Variants in METTL24 observed in about 807,000 individuals in gnomAD.
The protein encoded by METTL24 is methyltransferase like 24, also known as probable methyltransferase-like protein 24.
METTL24 carries 29 observed loss-of-function variants against 32.7 expected under a neutral mutation model. The ratio of observed to expected loss-of-function variants is 0.89; its 90% CI spans 0.66 to 1.21. The LOEUF (loss-of-function observed/expected upper bound fraction) is 1.21, where lower values mean the gene tolerates loss of function less well. Ranked by LOEUF, METTL24 falls within the 50% of genes most tolerant of loss-of-function variation. METTL24 has a pLI of 0.00. For missense variants in METTL24, 439 were observed against 468.1 expected, an observed-to-expected ratio of 0.94 and a Z score of 0.57; for synonymous variants, 163 against 179.5, an observed-to-expected ratio of 0.91 and a Z score of 0.73.
chr6:110,321,147 G>A (rs1277209799), intron 2 of METTL24, among the ~76,000 whole-genome samples: 1 of 152,182 alleles, frequency 6.6e-6, no homozygotes, highest in Admixed American at 6.5e-5. Context: ...TGAGGCAGGA[G>A]AACCACTTGA....
At chr6:110,313,529 T>A (rs987707683) in intron 3 of METTL24, among the ~76,000 whole-genome samples, 1 of 152,218 alleles carries the variant, frequency 6.6e-6, no homozygotes, top group Admixed American at 6.5e-5. Flanking sequence ...TTTACTCAGT[T>A]ATATCCTTTA....
At chr6:110,263,942 C>T (rs1171743487) in intron 4 of METTL24, among the ~76,000 whole-genome samples, 1 of 152,174 alleles carries the variant, frequency 6.6e-6, no homozygotes, top group East Asian at 1.9e-4. Context: ...AACTGGATCC[C>T]TTCCTTAGAC....
At chr6:110,261,589 T>G (rs888283038) in intron 4 of METTL24, among the ~76,000 whole-genome samples, 1 of 152,148 alleles carries the variant, frequency 6.6e-6, no homozygotes, top group African/African-American at 2.4e-5. Context: ...TATCCAGGAA[T>G]TGAACTCAGC....
chr6:110,288,580 G>C (rs549787543), intron 4 of METTL24, among the ~76,000 whole-genome samples: 20 of 152,230 alleles, frequency 1.3e-4, no homozygotes, highest in African/African-American at 4.8e-4. Flanking sequence ...TAAAGAAAAA[G>C]ATGAAGGTGA....
At chr6:110,248,303 T>C (rs73765687) in intron 4 of METTL24, among the ~76,000 whole-genome samples, 10,938 of 152,220 alleles carry the variant, frequency 0.072, 578 homozygotes, top group African/African-American at 0.16. Context: ...CTTGGGTGAT[T>C]TCAGAGTTGA....
chr6:110,259,658 A>G (rs916620293), intron 4 of METTL24, among the ~76,000 whole-genome samples: 1 of 152,364 alleles, frequency 6.6e-6, no homozygotes, highest in East Asian at 1.9e-4. Context: ...GAGAACGGAC[A>G]GACTGCCTCC....
At chr6:110,348,665 G>T (rs1016285740) in intron 1 of METTL24, among the ~76,000 whole-genome samples, 3 of 152,264 alleles carry the variant, frequency 2.0e-5, no homozygotes, top group Non-Finnish European at 4.4e-5. Context: ...CTGAAAACAT[G>T]TTTGGAGGTC....
intron 1 of METTL24, among the ~76,000 whole-genome samples, chr6:110,336,926 T>C (rs1186268868): frequency 6.6e-6 from 1 of 152,118 alleles, no homozygotes; most frequent in Non-Finnish European, 1.5e-5. Flanking sequence ...ATTGGGTATG[T>C]ACCCAGAGGA....
intron 3 of METTL24, among the ~76,000 whole-genome samples, chr6:110,308,853 G>A (rs567862277): frequency 3.3e-5 from 5 of 152,176 alleles, no homozygotes; most frequent in East Asian, 1.9e-4. Context: ...GTCACAAAAC[G>A]CCACATATTA....
At chr6:110,341,642 T>C (rs1023619588) in intron 1 of METTL24, among the ~76,000 whole-genome samples, 3 of 152,192 alleles carry the variant, frequency 2.0e-5, no homozygotes, top group Non-Finnish European at 4.4e-5. Context: ...CTAAAATGTA[T>C]AGTAATCAAC....
intron 3 of METTL24, among the ~76,000 whole-genome samples, chr6:110,304,082 G>A (rs151001044): frequency 6.6e-6 from 1 of 152,072 alleles, no homozygotes; most frequent in Admixed American, 6.5e-5. Context: ...GGGCCTGACT[G>A]TTAGAAAAAA....
At chr6:110,257,507 T>C (rs1483394955) in intron 4 of METTL24, among the ~76,000 whole-genome samples, 1 of 152,188 alleles carries the variant, frequency 6.6e-6, no homozygotes, top group Non-Finnish European at 1.5e-5. Flanking sequence ...CCACAGGACA[T>C]CTACATTACC....
intron 2 of METTL24, among the ~76,000 whole-genome samples, chr6:110,322,374 G>A (rs547306237): frequency 2.0e-5 from 3 of 152,196 alleles, no homozygotes; most frequent in Admixed American, 1.3e-4. Flanking sequence ...CAGAAGAGTG[G>A]AAAGGCAAGT....
At chr6:110,262,219 G>C (rs1770747624) in intron 4 of METTL24, among the ~76,000 whole-genome samples, 3 of 152,078 alleles carry the variant, frequency 2.0e-5, no homozygotes, top group South Asian at 2.1e-4. Flanking sequence ...TAGACTGCTA[G>C]CAAGATTAAT....
rs186527273 is a variant in METTL24 at position 110,333,764 on chromosome 6, T to C, written c.319-10892A>G. Among the ~76,000 whole-genome samples the C allele has an allele frequency of 2.0e-3, 308 of 152,322 alleles. 2 individuals are homozygous for C. Among genetic ancestry groups the C allele is most frequent in the African/African-American group, 7.1e-3 (296 of 41,570 alleles). ...GCCTTGATTTTTAACCTATGTTACT[T>C]TGAATACTTCTTTTGTATACAGCAC... On this transcript the variant is annotated intron_variant, in intron 1 of 4. Transcript: ENST00000338882.
chr6:110,258,235 T>C (rs1357851063), intron 4 of METTL24, among the ~76,000 whole-genome samples: 1 of 152,246 alleles, frequency 6.6e-6, no homozygotes, highest in Non-Finnish European at 1.5e-5. Context: ...TAACAGCAGC[T>C]ATATTTTGGG....
intron 1 of METTL24, among the ~76,000 whole-genome samples, chr6:110,341,816 C>T (rs181062664): frequency 6.6e-6 from 1 of 152,338 alleles, no homozygotes; most frequent in East Asian, 1.9e-4. Context: ...GTCCGTCTCA[C>T]TCACAAGGCT....
intron 1 of METTL24, among the ~76,000 whole-genome samples, chr6:110,324,059 C>A (rs1771977946): frequency 6.6e-6 from 1 of 152,036 alleles, no homozygotes; most frequent in South Asian, 2.1e-4. Flanking sequence ...ATGGGGTGGC[C>A]TAGGTGACTC....
intron 3 of METTL24, among the ~76,000 whole-genome samples, chr6:110,301,199 C>T (rs1343599113): frequency 6.6e-6 from 1 of 152,218 alleles, no homozygotes; most frequent in Non-Finnish European, 1.5e-5. Context: ...CAGCACTCCT[C>T]TCACAAGCAC....
Sources: gnomAD v4.1 joint callset for allele counts (sites outside exome capture counted in the v4.1 genomes callset) on GRCh38, gnomAD v4.1.1 for gene constraint, MANE v1.5 for transcripts, NCBI Gene and HGNC (gene_info 2026-07-23, HGNC 2026-07-21) for gene names.